The following ZBTB38 variants were observed in gnomAD, a reference collection of about 807,000 sequenced individuals.
ZBTB38 encodes zinc finger and BTB domain containing 38.
A neutral mutation model predicts 76.8 loss-of-function variants in ZBTB38; 20 were observed. The ratio of observed to expected loss-of-function variants is 0.26; its 90% CI spans 0.18 to 0.38. The LOEUF (loss-of-function observed/expected upper bound fraction) is 0.38, where lower values mean the gene tolerates loss of function less well. ZBTB38 is among the 10% of genes least tolerant of loss of function. The pLI, the probability that ZBTB38 is intolerant of heterozygous loss-of-function variation, is 1.00. For synonymous variants in ZBTB38, 504 were observed against 544.2 expected, an observed-to-expected ratio of 0.93 and a Z score of 1.03; for missense variants, 1,082 against 1,482.3, an observed-to-expected ratio of 0.73 and a Z score of 4.43.
chr3:141,431,542 CAAAAAGA>C (rs1295304688), intron 5 of ZBTB38, among the ~76,000 whole-genome samples: 1 of 151,690 alleles, frequency 6.6e-6, no homozygotes, highest in Non-Finnish European at 1.5e-5. Context: ...TGCTGCATTT[CAAAAAGA>C]AAAAAGAAAC....
intron 1 of ZBTB38, among the ~76,000 whole-genome samples, chr3:141,347,179 G>C (rs1010164949): frequency 6.6e-6 from 1 of 152,180 alleles, no homozygotes; most frequent in Non-Finnish European, 1.5e-5. Flanking sequence ...TTGTAGTTGT[G>C]CATCTTAGAC....
intron 1 of ZBTB38, among the ~76,000 whole-genome samples, chr3:141,361,705 G>A (rs531415861): frequency 5.9e-5 from 9 of 152,192 alleles, no homozygotes; most frequent in Non-Finnish European, 1.0e-4. Context: ...GGTCCAGACA[G>A]CAAACAGAAG....
chr3:141,426,961 A>T (rs942445903), intron 5 of ZBTB38, among the ~76,000 whole-genome samples: 7 of 151,130 alleles, frequency 4.6e-5, no homozygotes, highest in African/African-American at 1.7e-4. Context: ...AGCAATGTCG[A>T]TTTGTGTGTG....
At chr3:141,440,609 C>T (rs942225076) in intron 5 of ZBTB38, among the ~76,000 whole-genome samples, 1 of 152,188 alleles carries the variant, frequency 6.6e-6, no homozygotes, top group African/African-American at 2.4e-5. Context: ...CTGGATGAAT[C>T]TCTGGTTAGT....
chr3:141,343,178 G>A (rs1002011958), intron 1 of ZBTB38, among the ~76,000 whole-genome samples: 4 of 152,200 alleles, frequency 2.6e-5, no homozygotes, highest in African/African-American at 9.7e-5. Context: ...GGGCAAGGAA[G>A]TGAATGAATG....
At chr3:141,376,818 C>T (rs930138212) in intron 2 of ZBTB38, among the ~76,000 whole-genome samples, 10 of 152,160 alleles carry the variant, frequency 6.6e-5, no homozygotes, top group African/African-American at 2.4e-4. Context: ...GACAAGGTGT[C>T]CACATGCTGC....
At chr3:141,399,564 C>T (rs989049439) in intron 4 of ZBTB38, among the ~76,000 whole-genome samples, 1 of 151,842 alleles carries the variant, frequency 6.6e-6, no homozygotes, top group African/African-American at 2.4e-5. Flanking sequence ...TAGGGGAGGC[C>T]AAGTTATAGA....
chr3:141,438,827 A>G (rs934370882), intron 5 of ZBTB38, among the ~76,000 whole-genome samples: 31 of 151,976 alleles, frequency 2.0e-4, no homozygotes, highest in African/African-American at 7.5e-4. Flanking sequence ...AAGCTCTCTC[A>G]TTCAACAGAT....
intron 5 of ZBTB38, among the ~76,000 whole-genome samples, chr3:141,433,898 A>G (rs150104561): frequency 1.7e-3 from 257 of 152,342 alleles, no homozygotes; most frequent in African/African-American, 5.9e-3. Context: ...ATCTCCTAAA[A>G]GTGTGTTTTT....
chr3:141,362,255 G>T (rs1384387306), intron 1 of ZBTB38, among the ~76,000 whole-genome samples: 3 of 152,092 alleles, frequency 2.0e-5, no homozygotes, highest in Admixed American at 1.3e-4. Context: ...TCCAAGGGCT[G>T]ATTCTCTGAG....
chr3:141,344,099 G>A (rs1378395845), intron 1 of ZBTB38, among the ~76,000 whole-genome samples: 2 of 152,150 alleles, frequency 1.3e-5, no homozygotes, highest in Non-Finnish European at 2.9e-5. Flanking sequence ...CTCCAACTGT[G>A]GTCCACTTTG....
intron 4 of ZBTB38, chr3:141,394,082 G>C (rs1949726916): frequency 6.6e-6 from 1 of 151,132 alleles, no homozygotes; most frequent in Admixed American, 6.6e-5. Context: ...GCAATCTCAG[G>C]TCACTGCAAC....
intron 1 of ZBTB38, among the ~76,000 whole-genome samples, chr3:141,336,985 T>C (rs772238874): frequency 3.3e-5 from 5 of 152,248 alleles, no homozygotes; most frequent in Non-Finnish European, 5.9e-5. Flanking sequence ...TTTAAAAAAA[T>C]AGTTTCTAAT....
At chr3:141,396,839 C>A (rs1950453082) in intron 4 of ZBTB38, among the ~76,000 whole-genome samples, 1 of 152,166 alleles carries the variant, frequency 6.6e-6, no homozygotes, top group African/African-American at 2.4e-5. Flanking sequence ...AGCAGTAGGT[C>A]TCAACAGTGG....
At chr3:141,370,482 T>TAACCC (rs1944386909) in intron 2 of ZBTB38, among the ~76,000 whole-genome samples, 1 of 152,238 alleles carries the variant, frequency 6.6e-6, no homozygotes, top group African/African-American at 2.4e-5. Context: ...TGGAGGGGTT[T>TAACCC]CTGAAGAAGA....
At position 141,446,097 on chromosome 3, in the gene ZBTB38, A is replaced by G; in HGVS notation, c.*121A>G. The G allele has an allele frequency of 1.1e-6, 1 of 890,354 alleles. No homozygotes were observed. Among genetic ancestry groups the G allele is most frequent in the Non-Finnish European group, 1.6e-6 (1 of 643,188 alleles). 55.2% of individuals were successfully genotyped at this position (890,354 alleles called of 1,614,324 possible). ...AGGAGTGAAATTAAAAAAAAAAAAA[A>G]CTCATTTGTGAAAATTCCAGAAAAA... On this transcript the variant is annotated 3_prime_UTR_variant, in exon 6 of 6. Coordinates refer to ENST00000321464, the MANE Select transcript of ZBTB38 (RefSeq NM_001376113.1).
At chr3:141,393,502 C>G (rs565198107) in intron 4 of ZBTB38, among the ~76,000 whole-genome samples, 2 of 152,180 alleles carry the variant, frequency 1.3e-5, no homozygotes, top group African/African-American at 4.8e-5. Flanking sequence ...GAACCTGGAG[C>G]AGGGAAAGGA....
chr3:141,372,705 G>C (rs1349404739), intron 2 of ZBTB38, among the ~76,000 whole-genome samples: 2 of 151,994 alleles, frequency 1.3e-5, no homozygotes, highest in Admixed American at 1.3e-4. Flanking sequence ...CTGCTAGAAG[G>C]GTGCAGTTGA....
intron 1 of ZBTB38, among the ~76,000 whole-genome samples, chr3:141,360,970 G>GA (rs1943806086): frequency 6.6e-6 from 1 of 152,248 alleles, no homozygotes; most frequent in East Asian, 1.9e-4. Context: ...CAAATTCTCT[G>GA]ACTCCGTCAA....
Sources: gnomAD v4.1 joint callset for allele counts (sites outside exome capture counted in the v4.1 genomes callset) on GRCh38, gnomAD v4.1.1 for gene constraint, MANE v1.5 for transcripts, NCBI Gene and HGNC (gene_info 2026-07-23, HGNC 2026-07-21) for gene names.